Variants in DLC1 observed in about 807,000 individuals in gnomAD.
The protein encoded by DLC1 is rho GTPase-activating protein 7.
In DLC1, 54 loss-of-function variants were observed where a neutral mutation model predicts 140.3. The ratio of observed to expected loss-of-function variants is 0.38; its 90% CI spans 0.31 to 0.48. The LOEUF (loss-of-function observed/expected upper bound fraction) is 0.48, where lower values mean the gene tolerates loss of function less well. DLC1 is among the 20% of genes least tolerant of loss of function. DLC1 has a pLI of 0.96. For synonymous variants in DLC1, 986 were observed against 728.1 expected (o/e 1.35, Z -5.70); for missense variants, 2,536 against 1,907.0 (o/e 1.33, Z -6.14).
In DLC1 at chr8:13,415,857, A is replaced by C; in HGVS notation, c.1024-14238T>G. Among the ~76,000 whole-genome samples the C allele has an allele frequency of 1.3e-5, 2 of 152,152 alleles. 1 individual carries two copies. On this transcript the variant is annotated intron_variant, in intron 2 of 17. Coordinates refer to ENST00000276297, the MANE Select transcript of DLC1 (RefSeq NM_182643.3). ...TTGAATGTATACAGGTATAAAGAAT[A>C]TTTCTGAAAAGTAGCATTATGTAAT...
intron 2 of DLC1, among the ~76,000 whole-genome samples, chr8:13,453,471 CATATATATGT>C (rs1278674185): frequency 4.0e-4 from 5 of 12,386 alleles, no homozygotes; most frequent in Non-Finnish European, 6.1e-4. Context: ...TATATATATA[CATATATATGT>C]ATATATATAC....
chr8:13,460,173 A>G lies in DLC1; in HGVS notation c.1023+38876T>C, dbSNP rs114252642. ...CCTGATATGTCTTATCCTGATGTGT[A>G]TTGTCTGTATCATTTGGGGGATTCT... On this transcript the variant is annotated intron_variant, in intron 2 of 17. Transcript: ENST00000276297. Among the ~76,000 whole-genome samples, 685 of 152,264 alleles carry G rather than the reference A, an allele frequency of 4.5e-3. 5 individuals carry two copies. Among genetic ancestry groups the G allele is most frequent in the African/African-American group, 0.016 (648 of 41,562 alleles).
chr8:13,384,991 T>C (rs2117178528), intron 4 of DLC1, among the ~76,000 whole-genome samples: 1 of 152,248 alleles, frequency 6.6e-6, no homozygotes, highest in Non-Finnish European at 1.5e-5. Context: ...GAAATCTGTG[T>C]CATGGATTAC....
chr8:13,492,409 C>G (rs1474891427), intron 2 of DLC1, among the ~76,000 whole-genome samples: 4 of 151,940 alleles, frequency 2.6e-5, no homozygotes, highest in Non-Finnish European at 5.9e-5. Context: ...TTGTCAAAGA[C>G]TTGTATTTAT....
intron 5 of DLC1, among the ~76,000 whole-genome samples, chr8:13,240,474 C>A (rs1224332968): frequency 2.0e-5 from 3 of 152,130 alleles, no homozygotes; most frequent in Admixed American, 1.3e-4. Context: ...AGGCTGGAGT[C>A]CAGTTATATG....
chr8:13,125,502 G>A (rs181380483), intron 5 of DLC1, among the ~76,000 whole-genome samples: 8 of 152,260 alleles, frequency 5.3e-5, no homozygotes, highest in African/African-American at 1.9e-4. Context: ...CAAAGAATCC[G>A]TGACTTGGGC....
At chr8:13,419,802 T>G (rs986882168) in intron 2 of DLC1, among the ~76,000 whole-genome samples, 36 of 152,322 alleles carry the variant, frequency 2.4e-4, no homozygotes, top group Non-Finnish European at 4.6e-4. Flanking sequence ...CAGTTCCTCC[T>G]TGCACCTCTG....
chr8:13,499,551 A>T lies in DLC1; in HGVS notation c.521T>A (p.Leu174Gln). The T allele has an allele frequency of 6.2e-7, 1 of 1,614,122 alleles. No individual in the cohort carries two copies. The highest frequency in any genetic ancestry group is 8.5e-7 in the Non-Finnish European group (1 of 1,180,016). The change falls in exon 2 of 18, where the codon CTG (leucine) becomes CAG (glutamine). Residue 174 changes from leucine (L) to glutamine (Q), a missense_variant. Physicochemically the swap from Leu to Gln is moderately radical, Grantham distance 113 (BLOSUM62 -2). Transcript: ENST00000276297. The part of the protein sequence containing the change: ...WGIAGETELA[L>Q]VKESGERKVT... ...TTTTCTCTCCCCACTTTCTTTTACC[A>T]GTGCTAATTCAGTTTCACCAGCTAT...
chr8:13,198,287 T>C (rs1414916953), intron 5 of DLC1, among the ~76,000 whole-genome samples: 2 of 152,202 alleles, frequency 1.3e-5, no homozygotes, highest in Non-Finnish European at 2.9e-5. Flanking sequence ...CAAACTCATA[T>C]GAGTAATTCT....
chr8:13,164,314 A>G (rs541760707), intron 5 of DLC1, among the ~76,000 whole-genome samples: 18 of 148,724 alleles, frequency 1.2e-4, no homozygotes, highest in Admixed American at 8.0e-4. Flanking sequence ...AAAAATCTCT[A>G]TATCTATCTA....
At chr8:13,116,286 TCTACCTC>T in intron 5 of DLC1, 1 of 945,230 alleles carries the variant, frequency 1.1e-6, no homozygotes, top group Non-Finnish European at 1.3e-6. Context: ...TAATAAAGCT[TCTACCTC>T]CCTGTGGTTT....
At chr8:13,359,376 T>C (rs369939738) in intron 4 of DLC1, among the ~76,000 whole-genome samples, 4 of 152,316 alleles carry the variant, frequency 2.6e-5, no homozygotes, top group African/African-American at 7.2e-5. Context: ...GGTAATGCTA[T>C]ACAAATCTGG....
intron 4 of DLC1, among the ~76,000 whole-genome samples, chr8:13,374,130 A>C (rs951497389): frequency 1.2e-4 from 18 of 152,184 alleles, no homozygotes; most frequent in African/African-American, 4.3e-4. Flanking sequence ...TTTAATGTAT[A>C]ATTTTTGATT....
At chr8:13,312,386 A>AAAAAAAAAT (rs71207139) in intron 4 of DLC1, among the ~76,000 whole-genome samples, 1,587 of 81,428 alleles carry the variant, frequency 0.019, 307 homozygotes, top group South Asian at 0.024. Context: ...AAAAAAAAAA[A>AAAAAAAAAT]AATAATTTCT....
chr8:13,427,716 T>G (rs1019627257), intron 2 of DLC1, among the ~76,000 whole-genome samples: 1 of 152,232 alleles, frequency 6.6e-6, no homozygotes, highest in Non-Finnish European at 1.5e-5. Context: ...ATGGCAATTA[T>G]AGTCATATAT....
intron 5 of DLC1, among the ~76,000 whole-genome samples, chr8:13,135,138 A>G (rs1044370209): frequency 6.6e-6 from 1 of 152,014 alleles, no homozygotes; most frequent in Non-Finnish European, 1.5e-5. Flanking sequence ...AGTAAAAGCA[A>G]GAAGTTTCAG....
intron 7 of DLC1, among the ~76,000 whole-genome samples, chr8:13,103,906 G>C (rs1819329349): frequency 1.3e-5 from 2 of 148,196 alleles, no homozygotes; most frequent in African/African-American, 5.0e-5. Context: ...CATAGAAATA[G>C]AAACAGCAAA....
At chr8:13,327,118 C>CAA (rs1833386534) in intron 4 of DLC1, among the ~76,000 whole-genome samples, 1 of 72,208 alleles carries the variant, frequency 1.4e-5, no homozygotes, top group Non-Finnish European at 2.7e-5. Context: ...CCACACCCGG[C>CAA]TATTTTTTTT....
intron 5 of DLC1, chr8:13,276,298 C>T (rs1472309911): frequency 2.0e-6 from 3 of 1,535,432 alleles, no homozygotes; most frequent in Admixed American, 2.0e-5. Context: ...TTCCAAATGA[C>T]ATCCAGGGCT....
Sources: allele counts gnomAD v4.1 joint callset (sites outside exome capture counted in the v4.1 genomes callset), GRCh38; gene constraint gnomAD v4.1.1; transcripts MANE v1.5; gene names NCBI Gene and HGNC (gene_info 2026-07-23, HGNC 2026-07-21).